Variants in STPG2 observed in about 807,000 individuals in gnomAD.
The protein encoded by STPG2 is sperm-tail PG-rich repeat-containing protein 2.
In STPG2, 56 loss-of-function variants were observed where a neutral mutation model predicts 54.2. The ratio of observed to expected loss-of-function variants is 1.03; its 90% CI spans 0.83 to 1.29. The LOEUF is 1.29. Ranked by LOEUF, STPG2 falls within the 50% of genes most tolerant of loss-of-function variation. STPG2 has a pLI of 0.00. For synonymous variants in STPG2, 200 were observed against 181.8 expected (o/e 1.10, Z -0.81); for missense variants, 596 against 544.9 (o/e 1.09, Z -0.93).
chr4:97,874,772 C>T lies in STPG2; in HGVS notation c.1045-33840G>A, dbSNP rs547464869. Reference sequence around the variant, plus strand: ...CCTAATCCCAAATGTCACAGTATTTCGAAATGGGGCCTTTAAAAGGTAATT... The same window carrying T: ...CCTAATCCCAAATGTCACAGTATTTTGAAATGGGGCCTTTAAAAGGTAATT... On this transcript the variant is annotated intron_variant, in intron 8 of 10. Coordinates refer to ENST00000295268, the MANE Select transcript of STPG2 (RefSeq NM_174952.3). Among the ~76,000 whole-genome samples, 380 of 151,658 alleles carry T rather than the reference C, an allele frequency of 2.5e-3. 1 individual carries two copies. Among genetic ancestry groups the T allele is most frequent in the African/African-American group, 8.2e-3 (341 of 41,434 alleles).
intron 10 of STPG2, among the ~76,000 whole-genome samples, chr4:97,662,322 A>G (rs1010763814): frequency 2.6e-5 from 4 of 152,300 alleles, no homozygotes; most frequent in Non-Finnish European, 5.9e-5. Context: ...TCAAAACTAC[A>G]ATAAGATACC....
At chr4:97,657,304 T>C (rs1414054752) in intron 10 of STPG2, among the ~76,000 whole-genome samples, 1 of 152,194 alleles carries the variant, frequency 6.6e-6, no homozygotes. Flanking sequence ...CAAATACTAC[T>C]GGCCAATCAT....
chr4:97,696,018 A>G (rs1723559306), intron 10 of STPG2, among the ~76,000 whole-genome samples: 1 of 152,118 alleles, frequency 6.6e-6, no homozygotes, highest in South Asian at 2.1e-4. Flanking sequence ...AAAAAAACCT[A>G]AATTTCATAT....
intron 10 of STPG2, among the ~76,000 whole-genome samples, chr4:97,669,514 C>CATCAAGTTTCAGCATGAAGTCATTATAAT (rs1578467147): frequency 7.7e-5 from 8 of 104,244 alleles, no homozygotes; most frequent in East Asian, 2.5e-4. Context: ...AAGTTTATTG[C>CATCAAGTTTCAGCATGAAGTCATTATAAT]GGCCGGGCGC....
intron 4 of STPG2, among the ~76,000 whole-genome samples, chr4:97,495,678 A>G (rs1056512362): frequency 3.4e-4 from 49 of 144,962 alleles, no homozygotes; most frequent in Non-Finnish European, 6.5e-4. Flanking sequence ...AAATATTATA[A>G]TTTTAAATGT....
At chr4:97,790,996 A>G (rs1292558146) in intron 9 of STPG2, among the ~76,000 whole-genome samples, 1 of 152,130 alleles carries the variant, frequency 6.6e-6, no homozygotes, top group Non-Finnish European at 1.5e-5. Flanking sequence ...CGCAAATTCT[A>G]CCAAACTTTT....
At chr4:97,709,218 T>A (rs1257658815) in intron 10 of STPG2, among the ~76,000 whole-genome samples, 1 of 151,694 alleles carries the variant, frequency 6.6e-6, no homozygotes, top group Non-Finnish European at 1.5e-5. Context: ...AAATAAGTGT[T>A]TTTTTTAAAT....
intron 9 of STPG2, among the ~76,000 whole-genome samples, chr4:97,807,368 C>T (rs1345293521): frequency 6.6e-6 from 1 of 151,942 alleles, no homozygotes; most frequent in African/African-American, 2.4e-5. Flanking sequence ...ACTTCCTTTA[C>T]ATACCACAAC....
chr4:97,620,289 CTTCT>C (rs1339477992), intron 10 of STPG2, among the ~76,000 whole-genome samples: 1 of 152,146 alleles, frequency 6.6e-6, no homozygotes, highest in Non-Finnish European at 1.5e-5. Context: ...GGAAAATTCC[CTTCT>C]TTGTGATATT....
chr4:97,533,730 CT>C lies in STPG2; in HGVS notation c.462+178968del. The stretch of plus-strand genomic sequence containing the variant: ...ATGTATCAATAAGTTCTTTTTATTG[CT>C]GAGTAACCCTCCATTGTGTGAACTT... On this transcript the variant is annotated intron_variant, in intron 4 of 4. Coordinates refer to the STPG2 transcript ENST00000522676. Among the ~76,000 whole-genome samples, 3 of 152,020 alleles carry C rather than the reference CT, an allele frequency of 2.0e-5. 1 individual carries two copies. The highest frequency in any genetic ancestry group is 6.8e-3 in the Middle Eastern group (2 of 294).
intron 8 of STPG2, among the ~76,000 whole-genome samples, chr4:97,864,279 T>C (rs1459745652): frequency 4.2e-5 from 6 of 143,314 alleles, no homozygotes; most frequent in African/African-American, 1.6e-4. Flanking sequence ...TGTGCAAAAA[T>C]CACAAGCATT....
chr4:97,817,926 T>TAC (rs1282772083), intron 9 of STPG2, among the ~76,000 whole-genome samples: 1 of 150,794 alleles, frequency 6.6e-6, no homozygotes, highest in Non-Finnish European at 1.5e-5. Flanking sequence ...CTCAGAATTA[T>TAC]ATATATATAT....
chr4:97,924,855 A>G (rs1452352452), intron 8 of STPG2, among the ~76,000 whole-genome samples: 1 of 152,144 alleles, frequency 6.6e-6, no homozygotes, highest in African/African-American at 2.4e-5. Context: ...TTTTTAATAT[A>G]TTGTCCCTCT....
At chr4:97,547,049 T>C (rs760669673) in intron 4 of STPG2, among the ~76,000 whole-genome samples, 3 of 152,124 alleles carry the variant, frequency 2.0e-5, no homozygotes, top group Non-Finnish European at 4.4e-5. Context: ...GGGCAAGAGT[T>C]AGAAGAGCTA....
intron 4 of STPG2, among the ~76,000 whole-genome samples, chr4:97,467,818 C>T (rs1216139759): frequency 6.7e-6 from 1 of 149,562 alleles, no homozygotes; most frequent in Non-Finnish European, 1.5e-5. Flanking sequence ...AAGAATATGG[C>T]TGTTAGTTAT....
At chr4:97,897,417 T>C (rs921129130) in intron 8 of STPG2, among the ~76,000 whole-genome samples, 2 of 152,184 alleles carry the variant, frequency 1.3e-5, no homozygotes, top group African/African-American at 4.8e-5. Context: ...TTTGGATATA[T>C]ACCCAGTAAT....
At chr4:97,652,491 C>T (rs990682389) in intron 10 of STPG2, among the ~76,000 whole-genome samples, 2 of 151,676 alleles carry the variant, frequency 1.3e-5, no homozygotes, top group Non-Finnish European at 3.0e-5. Context: ...ATTTGATACC[C>T]ATAGATTAAT....
At chr4:97,572,750 C>G (rs1257271159) in intron 10 of STPG2, 1 of 152,050 alleles carries the variant, frequency 6.6e-6, no homozygotes, top group Non-Finnish European at 1.5e-5. Flanking sequence ...ACATTTAGCA[C>G]TGAACACTAA....
At chr4:97,987,939 A>G (rs763103659) in intron 5 of STPG2, among the ~76,000 whole-genome samples, 6 of 151,772 alleles carry the variant, frequency 4.0e-5, no homozygotes, top group Non-Finnish European at 8.8e-5. Context: ...CCACAATCCG[A>G]GTCAGATTGT....
Sources: allele counts gnomAD v4.1 joint callset (sites outside exome capture counted in the v4.1 genomes callset), GRCh38; gene constraint gnomAD v4.1.1; transcripts MANE v1.5; gene names NCBI Gene and HGNC (gene_info 2026-07-23, HGNC 2026-07-21).